TBC1D5: variants seen among roughly 807,000 people sequenced by gnomAD.
TBC1D5 encodes TBC1 domain family, member 5.
TBC1D5 carries 75 observed loss-of-function variants against 100.3 expected under a neutral mutation model. That is an observed-to-expected ratio of 0.75 (90% confidence interval 0.62 to 0.91). The LOEUF is 0.91. TBC1D5 is among the 40% of genes least tolerant of loss of function. The probability of loss-of-function intolerance (pLI) is 0.00; values close to 1 mark genes in which losing one functional copy is unlikely to be tolerated. For synonymous variants in TBC1D5, 323 were observed against 325.6 expected (o/e 0.99, Z 0.09); for missense variants, 910 against 942.4 (o/e 0.97, Z 0.45).
At chr3:17,681,359 C>T (rs2069444767) in intron 1 of TBC1D5, among the ~76,000 whole-genome samples, 1 of 151,606 alleles carries the variant, frequency 6.6e-6, no homozygotes, top group African/African-American at 2.4e-5. Context: ...TTCAACTTAA[C>T]AAGTCATGTA....
chr3:17,484,684 T>C (rs2095540220), intron 3 of TBC1D5, among the ~76,000 whole-genome samples: 1 of 152,086 alleles, frequency 6.6e-6, no homozygotes, highest in Non-Finnish European at 1.5e-5. Context: ...GGGTCTTCCC[T>C]GTATTGCCCA....
At chr3:17,503,002 T>C (rs546385409) in intron 3 of TBC1D5, among the ~76,000 whole-genome samples, 7 of 149,658 alleles carry the variant, frequency 4.7e-5, no homozygotes, top group Non-Finnish European at 5.9e-5. Flanking sequence ...TCCGAAATGA[T>C]TGTTCAGCTT....
chr3:17,408,142 T>A (rs1056507431), intron 4 of TBC1D5, among the ~76,000 whole-genome samples: 1 of 151,976 alleles, frequency 6.6e-6, no homozygotes, highest in African/African-American at 2.4e-5. Context: ...TGTGCAAGCA[T>A]GGGCAAATTT....
At chr3:17,328,446 A>G (rs1575359926) in intron 13 of TBC1D5, among the ~76,000 whole-genome samples, 2 of 152,172 alleles carry the variant, frequency 1.3e-5, no homozygotes, top group East Asian at 1.9e-4. Flanking sequence ...CCTGCCATAG[A>G]TTGTCCACCT....
At chr3:17,529,351 G>T (rs1015491861) in intron 2 of TBC1D5, among the ~76,000 whole-genome samples, 2 of 152,010 alleles carry the variant, frequency 1.3e-5, no homozygotes, top group African/African-American at 4.8e-5. Context: ...GATTTGCCTG[G>T]GGAATAAAAC....
chr3:17,481,714 T>A (rs1430178804), intron 3 of TBC1D5, among the ~76,000 whole-genome samples: 1 of 152,254 alleles, frequency 6.6e-6, no homozygotes, highest in Non-Finnish European at 1.5e-5. Context: ...TTAAAATACT[T>A]CAATGTTGCG....
intron 1 of TBC1D5, among the ~76,000 whole-genome samples, chr3:17,702,551 G>T (rs1438529520): frequency 6.6e-6 from 1 of 152,020 alleles, no homozygotes; most frequent in Non-Finnish European, 1.5e-5. Flanking sequence ...AAGAGAAAAA[G>T]ATGTCCAAAA....
At chr3:17,615,759 T>G (rs1461531049) in intron 2 of TBC1D5, among the ~76,000 whole-genome samples, 1 of 152,226 alleles carries the variant, frequency 6.6e-6, no homozygotes, top group Non-Finnish European at 1.5e-5. Context: ...TGACTGCATC[T>G]ATTTGATTCT....
At chr3:17,620,146 C>T (rs150727431) in intron 2 of TBC1D5, among the ~76,000 whole-genome samples, 11 of 152,264 alleles carry the variant, frequency 7.2e-5, no homozygotes, top group South Asian at 6.2e-4. Context: ...ACCTTTTTGC[C>T]GTTGTTGTTA....
intron 2 of TBC1D5, among the ~76,000 whole-genome samples, chr3:17,591,812 A>T (rs1197100444): frequency 2.0e-5 from 3 of 152,196 alleles, no homozygotes; most frequent in African/African-American, 7.2e-5. Flanking sequence ...GAAAAATAGT[A>T]AACAAAAATA....
chr3:17,208,924 A>C (rs1247980606), intron 18 of TBC1D5, among the ~76,000 whole-genome samples: 1 of 152,106 alleles, frequency 6.6e-6, no homozygotes, highest in Non-Finnish European at 1.5e-5. Flanking sequence ...ACTTTGCTGT[A>C]ATTTTTAGTT....
At chr3:17,433,355 G>T (rs992818412) in intron 3 of TBC1D5, among the ~76,000 whole-genome samples, 1 of 152,126 alleles carries the variant, frequency 6.6e-6, no homozygotes, top group Non-Finnish European at 1.5e-5. Flanking sequence ...TAATTGACTC[G>T]CAGTTCCACA....
chr3:17,682,294 C>T (rs951302481), intron 1 of TBC1D5, among the ~76,000 whole-genome samples: 2 of 151,190 alleles, frequency 1.3e-5, no homozygotes, highest in Non-Finnish European at 2.9e-5. Flanking sequence ...TTGAAAAAAA[C>T]CTGTAATGCT....
intron 13 of TBC1D5, among the ~76,000 whole-genome samples, chr3:17,335,622 C>A (rs1243374418): frequency 6.6e-6 from 1 of 152,118 alleles, no homozygotes; most frequent in African/African-American, 2.4e-5. Flanking sequence ...GATTGTAGAA[C>A]ACAAACTAAA....
intron 2 of TBC1D5, among the ~76,000 whole-genome samples, chr3:17,557,379 G>A (rs745983916): frequency 2.0e-5 from 3 of 152,156 alleles, no homozygotes; most frequent in Admixed American, 6.5e-5. Flanking sequence ...ATGTTTTTGA[G>A]GATAAGAAGT....
intron 17 of TBC1D5, among the ~76,000 whole-genome samples, chr3:17,222,986 C>T (rs549345690): frequency 3.9e-5 from 6 of 152,040 alleles, no homozygotes; most frequent in African/African-American, 7.2e-5. Flanking sequence ...AAAAAACCAT[C>T]GTAAGCAGTT....
Position 17,284,396 on chromosome 3 carries a change from C to T in TBC1D5, c.1245+7499G>A, listed in dbSNP as rs537929823. Reference sequence around the variant, plus strand: ...GCCTTCCAAAATGCTGGATTACAGGCGTGAGCCACCACGCCTGGCCATATT... The same window carrying T: ...GCCTTCCAAAATGCTGGATTACAGGTGTGAGCCACCACGCCTGGCCATATT... On this transcript the variant is annotated intron_variant, in intron 15 of 21. Coordinates refer to ENST00000253692, the Ensembl canonical transcript of TBC1D5. Among the ~76,000 whole-genome samples the T allele has an allele frequency of 4.6e-5, 7 of 152,138 alleles. No individual in the cohort carries two copies. In the East Asian group the frequency reaches 5.8e-4, roughly 13 times the overall value.
intron 1 of TBC1D5, among the ~76,000 whole-genome samples, chr3:17,735,166 T>G (rs2076864305): frequency 6.6e-6 from 1 of 152,152 alleles, no homozygotes; most frequent in Non-Finnish European, 1.5e-5. Context: ...TAACAATTTC[T>G]CCTAAATAAA....
intron 2 of TBC1D5, among the ~76,000 whole-genome samples, chr3:17,591,117 T>G (rs1266251859): frequency 6.6e-6 from 1 of 150,710 alleles, no homozygotes; most frequent in Non-Finnish European, 1.5e-5. Flanking sequence ...GCGCCTGTAG[T>G]CCCAGCTACT....
Sources: gnomAD v4.1 joint callset for allele counts (sites outside exome capture counted in the v4.1 genomes callset) on GRCh38, gnomAD v4.1.1 for gene constraint, MANE v1.5 for transcripts, NCBI Gene and HGNC (gene_info 2026-07-23, HGNC 2026-07-21) for gene names.